RAD51B: variants seen among roughly 807,000 people sequenced by gnomAD.
RAD51B encodes the protein RAD51 paralog B.
A neutral mutation model predicts 42.2 loss-of-function variants in RAD51B; 38 were observed. That is an observed-to-expected ratio of 0.90 (90% CI 0.70 to 1.18). The LOEUF is 1.18. Among genes scored for constraint, RAD51B ranks in the 50% most tolerant of loss-of-function variants. The probability of loss-of-function intolerance (pLI) is 0.00; values close to 1 mark genes in which losing one functional copy is unlikely to be tolerated. For synonymous variants in RAD51B, 154 were observed against 145.2 expected, an observed-to-expected ratio of 1.06 and a Z score of -0.43; for missense variants, 373 against 400.7, an observed-to-expected ratio of 0.93 and a Z score of 0.59.
intron 7 of RAD51B, among the ~76,000 whole-genome samples, chr14:68,033,964 T>C (rs1405032851): frequency 6.6e-6 from 1 of 152,152 alleles, no homozygotes; most frequent in Admixed American, 6.5e-5. Context: ...AGTCATTTGA[T>C]TGTTGTTCCT....
chr14:68,100,782 AG>A (rs2077275392), intron 7 of RAD51B, among the ~76,000 whole-genome samples: 1 of 152,208 alleles, frequency 6.6e-6, no homozygotes, highest in Admixed American at 6.5e-5. Context: ...GAGTAAATAA[AG>A]TGAAGCCCAA....
intron 7 of RAD51B, among the ~76,000 whole-genome samples, chr14:67,983,926 G>C (rs929224408): frequency 4.0e-5 from 6 of 151,296 alleles, no homozygotes; most frequent in African/African-American, 7.3e-5. Context: ...AGACAGGGCT[G>C]GTTTTTTTTT....
At chr14:68,601,437 A>C (rs1233405812) in intron 10 of RAD51B, among the ~76,000 whole-genome samples, 1 of 152,122 alleles carries the variant, frequency 6.6e-6, no homozygotes, top group Non-Finnish European at 1.5e-5. Context: ...CCTGCCACCA[A>C]CTTTTCCCTA....
intron 9 of RAD51B, among the ~76,000 whole-genome samples, chr14:68,462,519 T>C (rs1466669428): frequency 6.6e-6 from 1 of 152,214 alleles, no homozygotes; most frequent in Non-Finnish European, 1.5e-5. Flanking sequence ...GAGTACATAT[T>C]GGATATACCT....
intron 7 of RAD51B, among the ~76,000 whole-genome samples, chr14:68,029,553 G>C (rs2076008360): frequency 6.6e-6 from 1 of 152,090 alleles, no homozygotes; most frequent in Admixed American, 6.5e-5. Flanking sequence ...CAATTCAATC[G>C]TATCTTCAGG....
chr14:67,963,898 A>G lies in RAD51B; in HGVS notation c.756+76694A>G, dbSNP rs536162027. ...AATCGGTAACAGACATAATCTTATG[A>G]ATCAGAATTTTAAAGTGAAAGGGAC... On this transcript the variant is annotated intron_variant, in intron 7 of 10. Coordinates refer to ENST00000471583, the MANE Select transcript of RAD51B (RefSeq NM_133510.4). Among the ~76,000 whole-genome samples, 17 of 152,068 alleles carry G rather than the reference A, an allele frequency of 1.1e-4. No individual in the cohort carries two copies. In the South Asian group the frequency reaches 3.5e-3, roughly 32 times the overall value.
intron 7 of RAD51B, among the ~76,000 whole-genome samples, chr14:68,052,002 A>C (rs190179606): frequency 6.6e-6 from 1 of 152,316 alleles, no homozygotes; most frequent in African/African-American, 2.4e-5. Flanking sequence ...GCATTTTGAC[A>C]TGTAAATTGT....
chr14:67,917,605 G>A (rs2044197781), intron 7 of RAD51B, among the ~76,000 whole-genome samples: 1 of 152,136 alleles, frequency 6.6e-6, no homozygotes, highest in African/African-American at 2.4e-5. Context: ...AACTTAACGA[G>A]TATTATCAGT....
chr14:68,532,987 A>G (rs1268925218), intron 10 of RAD51B, among the ~76,000 whole-genome samples: 4 of 152,218 alleles, frequency 2.6e-5, no homozygotes, highest in Admixed American at 2.0e-4. Context: ...ACTCAATGAT[A>G]AAACTTCAGA....
intron 7 of RAD51B, among the ~76,000 whole-genome samples, chr14:68,289,517 C>A (rs1232779370): frequency 6.6e-6 from 1 of 151,998 alleles, no homozygotes; most frequent in Non-Finnish European, 1.5e-5. Context: ...GAGTTCTAGA[C>A]CAGCCTGGCC....
At chr14:67,890,381 A>T (rs1274840217) in intron 7 of RAD51B, among the ~76,000 whole-genome samples, 1 of 147,360 alleles carries the variant, frequency 6.8e-6, no homozygotes, top group Non-Finnish European at 1.5e-5. Context: ...CAGTTTGGGG[A>T]TTTTTTTTTT....
chr14:68,326,326 C>T (rs2082252367), intron 8 of RAD51B, among the ~76,000 whole-genome samples: 2 of 152,228 alleles, frequency 1.3e-5, no homozygotes, highest in African/African-American at 2.4e-5. Context: ...AGGCATGAGC[C>T]ACCAAGCCCG....
chr14:67,946,352 C>CT (rs201862167), intron 7 of RAD51B, among the ~76,000 whole-genome samples: 64 of 151,492 alleles, frequency 4.2e-4, no homozygotes, highest in African/African-American at 1.5e-3. Context: ...AATAGTTCCT[C>CT]TTTTTTGTTG....
intron 7 of RAD51B, chr14:67,908,475 G>C: frequency 6.6e-6 from 1 of 151,794 alleles, no homozygotes; most frequent in African/African-American, 2.4e-5. Context: ...GGATTTCTGT[G>C]AGTAAATTAG....
intron 8 of RAD51B, among the ~76,000 whole-genome samples, chr14:68,389,793 C>T (rs2083695411): frequency 6.6e-6 from 1 of 152,224 alleles, no homozygotes; most frequent in Non-Finnish European, 1.5e-5. Flanking sequence ...CCGTCTCAGT[C>T]AGGCTTCCAA....
intron 7 of RAD51B, among the ~76,000 whole-genome samples, chr14:67,934,637 A>C (rs1245563157): frequency 6.6e-6 from 1 of 152,138 alleles, no homozygotes; most frequent in East Asian, 1.9e-4. Context: ...ATGAAATAAT[A>C]CCTTTTATTT....
intron 10 of RAD51B, among the ~76,000 whole-genome samples, chr14:68,529,385 A>T (rs1887134297): frequency 6.6e-6 from 1 of 152,328 alleles, no homozygotes; most frequent in South Asian, 2.1e-4. Flanking sequence ...TTTGGTACAG[A>T]CAGGGTTTCG....
At chr14:68,664,150 A>G (rs148987525) in intron 11 of RAD51B, among the ~76,000 whole-genome samples, 20 of 152,328 alleles carry the variant, frequency 1.3e-4, no homozygotes, top group African/African-American at 4.8e-4. Context: ...CTGTTATTTT[A>G]TTAGCTAGAG....
At chr14:68,448,287 A>G (rs2085469895) in intron 9 of RAD51B, among the ~76,000 whole-genome samples, 1 of 152,244 alleles carries the variant, frequency 6.6e-6, no homozygotes, top group African/African-American at 2.4e-5. Flanking sequence ...GTCTACCAGG[A>G]CATCTCTTTT....
Sources: allele counts gnomAD v4.1 joint callset (sites outside exome capture counted in the v4.1 genomes callset), GRCh38; gene constraint gnomAD v4.1.1; transcripts MANE v1.5; gene names NCBI Gene and HGNC (gene_info 2026-07-23, HGNC 2026-07-21).